The following GJB7 variants were observed in gnomAD, a reference collection of about 807,000 sequenced individuals.
GJB7 encodes the protein gap junction beta-7 protein.
For missense variants in GJB7, 253 were observed against 256.8 expected (o/e 0.99, Z 0.10); for synonymous variants, 87 against 95.2 (o/e 0.91, Z 0.50).
At chr6:87,308,556 A>C (rs1582564253) in intron 2 of GJB7, among the ~76,000 whole-genome samples, 5 of 152,328 alleles carry the variant, frequency 3.3e-5, no homozygotes, top group Admixed American at 3.3e-4. Context: ...AAAAAGAAAA[A>C]GACATTTGGG....
intron 2 of GJB7, among the ~76,000 whole-genome samples, chr6:87,319,693 G>A (rs1776629182): frequency 6.6e-6 from 1 of 152,100 alleles, no homozygotes; most frequent in Non-Finnish European, 1.5e-5. Context: ...TAAAAGAAAG[G>A]AAATCAACAC....
At position 87,306,223 on chromosome 6, in the gene GJB7, C is replaced by T. The variant is rs994584661; in HGVS notation, c.-28+16643G>A. Among the ~76,000 whole-genome samples the T allele has an allele frequency of 7.9e-5, 12 of 152,194 alleles. No individual in the cohort carries two copies. The East Asian group carries it at 9.6e-4, about 12-fold the overall frequency. On this transcript the variant is annotated intron_variant, in intron 2 of 2. Coordinates refer to ENST00000525899, the MANE Select transcript of GJB7 (RefSeq NM_198568.3). ...GCTTCTGCACAGCAAAAGAAACTAC[C>T]GTCAGAGTGAATAGGCAACCTACAA...
intron 2 of GJB7, among the ~76,000 whole-genome samples, chr6:87,286,565 T>C (rs187220841): frequency 4.6e-5 from 7 of 152,354 alleles, no homozygotes; most frequent in Admixed American, 6.5e-5. Flanking sequence ...CTTGCTCTTT[T>C]CTCAATAAAA....
At chr6:87,304,726 A>G (rs960397557) in intron 2 of GJB7, among the ~76,000 whole-genome samples, 3 of 152,222 alleles carry the variant, frequency 2.0e-5, no homozygotes, top group African/African-American at 7.2e-5. Flanking sequence ...CAACAAAAAA[A>G]GAGAATTTTA....
chr6:87,288,598 C>G (rs1776108881), intron 2 of GJB7, among the ~76,000 whole-genome samples: 1 of 152,174 alleles, frequency 6.6e-6, no homozygotes, highest in African/African-American at 2.4e-5. Flanking sequence ...TGAAATCTTG[C>G]CAGTACTTTC....
At position 87,282,993 on chromosome 6, in the gene GJB7, C is replaced by G. The variant is rs975663043; in HGVS notation, c.*1248G>C. On this transcript the variant is annotated 3_prime_UTR_variant, in exon 3 of 3. Transcript: ENST00000525899. ...ACAGCCAAAGAGCATTGTGAAATAC[C>G]CTTATTTTTATTCTGAAGAAATGTA... The G allele has an allele frequency of 2.0e-5, 3 of 152,044 alleles. No individual in the cohort carries two copies. Among genetic ancestry groups the G allele is most frequent in the African/African-American group, 7.2e-5 (3 of 41,404 alleles). The allele number at this position is 152,044 out of a possible 1,614,324, so 9.4% of individuals were successfully genotyped here. A position where few individuals can be genotyped will look rare whatever the true frequency, so the allele number is the denominator to read the frequency against.
Position 87,320,519 on chromosome 6 carries a change from C to T in GJB7, c.-28+2347G>A, listed in dbSNP as rs139255258. Among the ~76,000 whole-genome samples, 138 of 152,282 alleles carry T rather than the reference C, an allele frequency of 9.1e-4. No individual in the cohort carries two copies. In the East Asian group the frequency reaches 0.023, roughly 25 times the overall value. On this transcript the variant is annotated intron_variant, in intron 2 of 2. Coordinates refer to ENST00000525899, the MANE Select transcript of GJB7 (RefSeq NM_198568.3). ...TCAATCAATTTAGAGGTTTATTTCA[C>T]CAATGTTAAGGACCATGGCCTGTGA...
chr6:87,285,693 T>C (rs1165174746), intron 2 of GJB7, among the ~76,000 whole-genome samples: 1 of 152,220 alleles, frequency 6.6e-6, no homozygotes, highest in Non-Finnish European at 1.5e-5. Context: ...TCCCGTCTCC[T>C]TTCTCTCAGT....
chr6:87,302,115 G>A (rs1267270222), intron 2 of GJB7, among the ~76,000 whole-genome samples: 1 of 152,174 alleles, frequency 6.6e-6, no homozygotes, highest in Non-Finnish European at 1.5e-5. Flanking sequence ...CTAAAAATCA[G>A]AGCACCTCTC....
At chr6:87,288,278 ATAAACC>A (rs1185119218) in intron 2 of GJB7, among the ~76,000 whole-genome samples, 2 of 152,230 alleles carry the variant, frequency 1.3e-5, no homozygotes, top group Non-Finnish European at 2.9e-5. Flanking sequence ...TCTGAAAAAA[ATAAACC>A]TAATAAACAC....
chr6:87,321,656 T>C (rs572771098), intron 2 of GJB7, among the ~76,000 whole-genome samples: 4 of 152,280 alleles, frequency 2.6e-5, no homozygotes, highest in African/African-American at 9.6e-5. Flanking sequence ...ATTTTATTTT[T>C]GGTTTTTGTA....
chr6:87,324,559 T>C (rs1776767809), intron 1 of GJB7, among the ~76,000 whole-genome samples: 1 of 151,128 alleles, frequency 6.6e-6, no homozygotes. Flanking sequence ...TTCTCAGGTT[T>C]GTCAAAGATC....
chr6:87,284,939 T>C lies in GJB7; in HGVS notation c.-27A>G, dbSNP rs747740763. Reference sequence around the variant, plus strand: ...ACTTAGGCTCAAAAGAAGGCAAGACTCTGCAAAATAAGACAATTTCATCAG... The same window carrying C: ...ACTTAGGCTCAAAAGAAGGCAAGACCCTGCAAAATAAGACAATTTCATCAG... On this transcript the variant is annotated splice_region_variant and 5_prime_UTR_variant, in exon 3 of 3. Transcript: ENST00000525899. The C allele has an allele frequency of 6.4e-7, 1 of 1,558,948 alleles. No individual in the cohort carries two copies. The highest frequency in any genetic ancestry group is 1.1e-5 in the South Asian group (1 of 87,606).
At chr6:87,323,714 G>A (rs911171445) in intron 1 of GJB7, among the ~76,000 whole-genome samples, 8 of 152,164 alleles carry the variant, frequency 5.3e-5, no homozygotes, top group Admixed American at 2.6e-4. Flanking sequence ...TTGCTATTGT[G>A]AATAATGCCG....
chr6:87,297,100 T>C (rs1037733540), intron 2 of GJB7, among the ~76,000 whole-genome samples: 4 of 152,214 alleles, frequency 2.6e-5, no homozygotes, highest in African/African-American at 9.6e-5. Context: ...TTTTCCTTCA[T>C]TGCACTTCCC....
chr6:87,299,303 A>G (rs1776287538), intron 2 of GJB7: 1 of 481,858 alleles, frequency 2.1e-6, no homozygotes, highest in Admixed American at 2.3e-5. Context: ...GAAATTGTCA[A>G]CATCATTTCT....
intron 2 of GJB7, among the ~76,000 whole-genome samples, chr6:87,302,766 G>A (rs977742983): frequency 1.2e-4 from 19 of 152,234 alleles, no homozygotes; most frequent in African/African-American, 4.6e-4. Context: ...AAATGTTAAG[G>A]GCAGCCAGAG....
chr6:87,311,832 C>A (rs947993751), intron 2 of GJB7, among the ~76,000 whole-genome samples: 1 of 152,160 alleles, frequency 6.6e-6, no homozygotes, highest in Non-Finnish European at 1.5e-5. Flanking sequence ...AATATTGACA[C>A]AGGTGGTCTC....
chr6:87,298,222 G>T lies in GJB7; in HGVS notation c.-27-13283C>A, dbSNP rs1357078184. Among the ~76,000 whole-genome samples, 3 of 152,250 alleles carry T rather than the reference G, an allele frequency of 2.0e-5. No homozygotes were observed. In the East Asian group the frequency reaches 5.8e-4, roughly 29 times the overall value. ...CTGAAGGCATCAGAGAGCCACCAGTGTAACTGGGGATTGTGGAACCAAGAT... is the reference window on the plus strand; with the variant it reads ...CTGAAGGCATCAGAGAGCCACCAGTTTAACTGGGGATTGTGGAACCAAGAT... On this transcript the variant is annotated intron_variant, in intron 2 of 2. Transcript: ENST00000525899.
Sources: gnomAD v4.1 joint callset for allele counts (sites outside exome capture counted in the v4.1 genomes callset) on GRCh38, gnomAD v4.1.1 for gene constraint, MANE v1.5 for transcripts, NCBI Gene and HGNC (gene_info 2026-07-23, HGNC 2026-07-21) for gene names.